The following KIF5C variants were observed in gnomAD, a reference collection of about 807,000 sequenced individuals.
KIF5C encodes kinesin family member 5C.
A neutral mutation model predicts 125.2 loss-of-function variants in KIF5C; 18 were observed. The observed-to-expected ratio is 0.14, with a 90% CI of 0.10 to 0.21. KIF5C has a LOEUF of 0.21. Ranked by LOEUF, KIF5C falls within the 10% of genes least tolerant of loss-of-function variation. The pLI, the probability that KIF5C is intolerant of heterozygous loss-of-function variation, is 1.00. For missense variants in KIF5C, 780 were observed against 1,183.8 expected, an observed-to-expected ratio of 0.66 and a Z score of 5.01; for synonymous variants, 405 against 434.0, an observed-to-expected ratio of 0.93 and a Z score of 0.83.
chr2:148,960,936 G>T (rs1682910564), intron 10 of KIF5C, among the ~76,000 whole-genome samples: 1 of 152,178 alleles, frequency 6.6e-6, no homozygotes, highest in Non-Finnish European at 1.5e-5. Flanking sequence ...ATTGGACAAG[G>T]CCACTTAGGT....
chr2:149,006,813 A>G (rs1000462515), intron 22 of KIF5C, among the ~76,000 whole-genome samples: 2 of 152,200 alleles, frequency 1.3e-5, no homozygotes, highest in Non-Finnish European at 2.9e-5. Flanking sequence ...GGTGATGGAC[A>G]GGGAGGCTAG....
At chr2:148,957,607 A>C (rs576507432) in intron 10 of KIF5C, among the ~76,000 whole-genome samples, 2,847 of 150,568 alleles carry the variant, frequency 0.019, 39 homozygotes, top group Non-Finnish European at 0.022. Flanking sequence ...AAAAAAAAAA[A>C]AAAAAAAAAA....
chr2:148,875,938 G>A (rs1558866969), intron 1 of KIF5C, among the ~76,000 whole-genome samples, 195 bp downstream of exon 1: 2 of 151,740 alleles, frequency 1.3e-5, no homozygotes, highest in South Asian at 4.2e-4. Context: ...AGGCGGCCGG[G>A]AGCGGCGGGC....
At chr2:148,988,398 A>G (rs991715744) in intron 15 of KIF5C, among the ~76,000 whole-genome samples, 6 of 152,170 alleles carry the variant, frequency 3.9e-5, no homozygotes, top group South Asian at 2.1e-4. Flanking sequence ...ATTTTGGAGG[A>G]AGCCCATCTT....
Position 148,997,125 on chromosome 2 carries a change from TATGCC to T in KIF5C, c.2024-135_2024-131del. The T allele has an allele frequency of 6.5e-6, 9 of 1,384,518 alleles. No individual in the cohort carries two copies. In the South Asian group the frequency reaches 1.1e-4, roughly 16 times the overall value. The allele number at this position is 1,384,518 out of a possible 1,614,324, so 85.8% of individuals were successfully genotyped here. A position where few individuals can be genotyped will look rare whatever the true frequency, so the allele number is the denominator to read the frequency against. ...AGCCAGAAGTCCTTGCCTGTTCCTT[TATGCC>T]ATGGTTGTAATTGCTGATATAAGCT... On this transcript the variant is annotated intron_variant, in intron 17 of 25. Coordinates refer to ENST00000435030, the MANE Select transcript of KIF5C (RefSeq NM_004522.3).
At chr2:148,884,210 T>C (rs1214611899) in intron 1 of KIF5C, 1 of 152,162 alleles carries the variant, frequency 6.6e-6, no homozygotes, top group African/African-American at 2.4e-5. Flanking sequence ...CTAAAGGATG[T>C]TGTTTGTTGG....
intron 16 of KIF5C, 126 bp downstream of exon 16, chr2:148,991,324 C>T: frequency 1.4e-6 from 2 of 1,421,568 alleles, no homozygotes; most frequent in East Asian, 2.5e-5. Context: ...AGCTTGGCCT[C>T]CCCAGGTGAT....
chr2:148,882,604 C>T (rs1401250240), intron 1 of KIF5C, among the ~76,000 whole-genome samples: 3 of 152,206 alleles, frequency 2.0e-5, no homozygotes, highest in African/African-American at 7.2e-5. Flanking sequence ...CCTTTTCCCT[C>T]AGCTGCTCAC....
intron 1 of KIF5C, among the ~76,000 whole-genome samples, chr2:148,898,510 T>C (rs73966627): frequency 0.012 from 1,829 of 152,258 alleles, 34 homozygotes; most frequent in African/African-American, 0.042. Context: ...ATAAAGATTG[T>C]CTAGTGCAAT....
chr2:149,018,664 A>C (rs1682442013), intron 25 of KIF5C, among the ~76,000 whole-genome samples: 1 of 152,056 alleles, frequency 6.6e-6, no homozygotes, highest in Non-Finnish European at 1.5e-5. Context: ...CAATAATAAT[A>C]ATAATAAAAT....
intron 1 of KIF5C, among the ~76,000 whole-genome samples, chr2:148,917,601 C>A (rs1481606091): frequency 6.6e-6 from 1 of 152,180 alleles, no homozygotes; most frequent in African/African-American, 2.4e-5. Flanking sequence ...AAGGTGACAG[C>A]ACAGGCTGAA....
intron 21 of KIF5C, among the ~76,000 whole-genome samples, chr2:149,002,986 G>A (rs984716644): frequency 1.3e-5 from 2 of 152,048 alleles, no homozygotes; most frequent in African/African-American, 2.4e-5. Context: ...GGTTCCATGC[G>A]CACCCTCCCA....
chr2:148,961,407 CA>C (rs1299499262), intron 10 of KIF5C, among the ~76,000 whole-genome samples: 1 of 152,080 alleles, frequency 6.6e-6, no homozygotes, highest in Non-Finnish European at 1.5e-5. Flanking sequence ...ATAAATACAT[CA>C]GGGGTGGTTT....
In KIF5C at chr2:148,937,355, C is replaced by T; in HGVS notation, c.363C>T (p.Tyr121=). ...CCCATGATATCTTTGACCATATCTA[C>T]TCCATGGATGAGAACCTGGAGTTTC... The part of the protein sequence containing the change: ...RIAHDIFDHI[Y]SMDENLEFHI... The change falls in exon 4 of 26, where the codon TAC becomes TAT. Residue 121 remains tyrosine (Y), a synonymous_variant. Transcript: ENST00000435030. The T allele has an allele frequency of 6.2e-7, 1 of 1,600,044 alleles. No homozygotes were observed. Among genetic ancestry groups the T allele is most frequent in the Non-Finnish European group, 8.5e-7 (1 of 1,172,616 alleles).
intron 15 of KIF5C, 48 bp downstream of exon 15, chr2:148,983,814 G>A (rs754867391): frequency 3.3e-6 from 5 of 1,536,626 alleles, no homozygotes; most frequent in Non-Finnish European, 4.4e-6. Flanking sequence ...TGTCAAGTTA[G>A]TAGGGTCTGT....
At chr2:148,929,507 TAGC>T (rs928128779) in intron 3 of KIF5C, among the ~76,000 whole-genome samples, 153 bp downstream of exon 3, 2 of 152,314 alleles carry the variant, frequency 1.3e-5, no homozygotes, top group African/African-American at 4.8e-5. Flanking sequence ...AGTTTTAAAA[TAGC>T]AGCAAAAAAT....
intron 10 of KIF5C, among the ~76,000 whole-genome samples, chr2:148,958,286 T>C (rs1253524768): frequency 4.6e-5 from 7 of 152,146 alleles, no homozygotes; most frequent in Non-Finnish European, 8.8e-5. Context: ...ACAGTAATAA[T>C]TCACACTCTC....
intron 1 of KIF5C, among the ~76,000 whole-genome samples, chr2:148,882,707 C>T (rs1681401359): frequency 6.6e-6 from 1 of 152,160 alleles, no homozygotes. Flanking sequence ...AGACTCTCAG[C>T]CCACAATACC....
At chr2:149,022,365 T>C (rs1682557822) in intron 25 of KIF5C, among the ~76,000 whole-genome samples, 1 of 152,218 alleles carries the variant, frequency 6.6e-6, no homozygotes, top group African/African-American at 2.4e-5. Context: ...GCTGTTCATG[T>C]GCCACTATCC....
Sources: allele counts gnomAD v4.1 joint callset (sites outside exome capture counted in the v4.1 genomes callset), GRCh38; gene constraint gnomAD v4.1.1; transcripts MANE v1.5; gene names NCBI Gene and HGNC (gene_info 2026-07-23, HGNC 2026-07-21).